The following PLCB4 variants were observed in gnomAD, a reference collection of about 807,000 sequenced individuals.
PLCB4 encodes the protein 1-phosphatidylinositol 4,5-bisphosphate phosphodiesterase beta-4.
Under a neutral mutation model 178.8 loss-of-function variants are expected in PLCB4, and 77 were observed. The ratio of observed to expected loss-of-function variants is 0.43; its 90% CI spans 0.36 to 0.52. The LOEUF (loss-of-function observed/expected upper bound fraction) is 0.52, where lower values mean the gene tolerates loss of function less well. PLCB4 is among the 20% of genes least tolerant of loss of function. PLCB4 has a pLI of 0.00. For missense variants in PLCB4, 1,024 were observed against 1,453.4 expected (o/e 0.70, Z 4.80); for synonymous variants, 496 against 490.8 (o/e 1.01, Z -0.14).
rs369944107 is a variant in PLCB4, at chr20:9,127,627, C to T, written c.-79+31285C>T. Among the ~76,000 whole-genome samples the T allele has an allele frequency of 4.1e-4, 58 of 142,480 alleles. 1 individual carries two copies. The highest frequency in any genetic ancestry group is 3.6e-3 in the Middle Eastern group (1 of 280). The allele number at this position is 142,480 out of a possible 152,430, so 93.5% of individuals were successfully genotyped here. A position where few individuals can be genotyped will look rare whatever the true frequency, so the allele number is the denominator to read the frequency against. The stretch of plus-strand genomic sequence containing the variant: ...CTCAACATTTAACTTTTAAAAAAAA[C>T]GGTGGTAAAATTATCTATCTATCTA... On this transcript the variant is annotated intron_variant, in intron 2 of 39. Transcript: ENST00000378473.
At chr20:9,086,340 A>G (rs918413261) in intron 1 of PLCB4, among the ~76,000 whole-genome samples, 1 of 152,068 alleles carries the variant, frequency 6.6e-6, no homozygotes, top group Admixed American at 6.6e-5. Flanking sequence ...GAAGGTCAGG[A>G]ACTCCTCTAG....
chr20:9,434,709 A>C (rs2041655437), intron 28 of PLCB4, among the ~76,000 whole-genome samples: 1 of 142,186 alleles, frequency 7.0e-6, no homozygotes, highest in South Asian at 2.1e-4. Flanking sequence ...TGTTATAAAA[A>C]GGAAAAGAAA....
At chr20:9,136,299 G>T (rs992954521) in intron 2 of PLCB4, among the ~76,000 whole-genome samples, 4 of 152,108 alleles carry the variant, frequency 2.6e-5, no homozygotes, top group African/African-American at 9.7e-5. Context: ...CACCCGTAGG[G>T]GAGTGGAGGA....
At chr20:9,123,470 A>G (rs1168641190) in intron 2 of PLCB4, among the ~76,000 whole-genome samples, 2 of 148,520 alleles carry the variant, frequency 1.3e-5, no homozygotes, top group Admixed American at 6.8e-5. Context: ...TCATGTTCTT[A>G]AAGTCAATAT....
At position 9,444,242 on chromosome 20, in the gene PLCB4, A is replaced by C. The variant is rs745945452; in HGVS notation, c.2879A>C (p.Lys960Thr). ...ELNSLKKKHAKEHSTMQKLHC... is the reference protein window; with the variant it reads ...ELNSLKKKHATEHSTMQKLHC... ...AATTCTTTAAAGAAGAAACATGCAA[A>C]GGTACAGTGCTCTACAGCTACTATT... Residue 960 changes from lysine (K) to threonine (T), a missense_variant and splice_region_variant, in exon 32 of 40, where the codon AAG (lysine) becomes ACG (threonine). Physicochemically the swap from Lys to Thr is moderately conservative, Grantham distance 78 (BLOSUM62 -1). This residue lies in a region of PLCB4 where 227 missense variants were observed against 374.3 expected (regional missense o/e 0.61). Transcript: ENST00000378473. The C allele has an allele frequency of 6.3e-7, 1 of 1,575,740 alleles. No homozygotes were observed. Among genetic ancestry groups the C allele is most frequent in the South Asian group, 1.1e-5 (1 of 90,050 alleles).
At chr20:9,408,774 C>T (rs1414066332) in intron 23 of PLCB4, 57 bp downstream of exon 23, 8 of 890,860 alleles carry the variant, frequency 9.0e-6, no homozygotes, top group Non-Finnish European at 1.3e-5. Context: ...TGGCAAGAGC[C>T]TCTGAAATAG....
chr20:9,463,593 CAAAAA>C (rs145361980), intron 35 of PLCB4, among the ~76,000 whole-genome samples: 11 of 49,694 alleles, frequency 2.2e-4, no homozygotes, highest in Admixed American at 1.3e-3. Flanking sequence ...AAATGGAAAG[CAAAAA>C]AAAAAAAAAA....
At chr20:9,275,594 G>A (rs1255021753) in intron 3 of PLCB4, among the ~76,000 whole-genome samples, 1 of 152,010 alleles carries the variant, frequency 6.6e-6, no homozygotes, top group Non-Finnish European at 1.5e-5. Flanking sequence ...TACCACACAT[G>A]TCATTCCTGC....
chr20:9,203,056 A>AATATATATATATAT (rs55690764), intron 2 of PLCB4, among the ~76,000 whole-genome samples: 8 of 126,148 alleles, frequency 6.3e-5, no homozygotes, highest in African/African-American at 1.7e-4. Context: ...AAAAAAAAAA[A>AATATATATATATAT]ATATATATAT....
intron 3 of PLCB4, among the ~76,000 whole-genome samples, chr20:9,267,399 G>T (rs6039429): frequency 5.3e-5 from 8 of 152,174 alleles, no homozygotes; most frequent in African/African-American, 1.9e-4. Context: ...TTAGAACACT[G>T]GCCTTACATG....
intron 2 of PLCB4, among the ~76,000 whole-genome samples, chr20:9,114,441 G>T (rs2091709107): frequency 6.6e-6 from 1 of 152,154 alleles, no homozygotes; most frequent in Non-Finnish European, 1.5e-5. Flanking sequence ...CTAGGTAGAG[G>T]ATTAGAGATG....
intron 4 of PLCB4, among the ~76,000 whole-genome samples, chr20:9,315,263 C>A (rs1047815556): frequency 3.3e-5 from 5 of 152,140 alleles, no homozygotes; most frequent in Admixed American, 2.6e-4. Flanking sequence ...TATATAGCAA[C>A]TTAATGATGA....
At chr20:9,423,220 T>C (rs544188189) in intron 27 of PLCB4, among the ~76,000 whole-genome samples, 1 of 152,348 alleles carries the variant, frequency 6.6e-6, no homozygotes, top group African/African-American at 2.4e-5. Context: ...AGGACCCAAA[T>C]TTATGTACAA....
intron 1 of PLCB4, among the ~76,000 whole-genome samples, chr20:9,086,344 C>T (rs2090419493): frequency 6.6e-6 from 1 of 152,030 alleles, no homozygotes; most frequent in African/African-American, 2.4e-5. Context: ...GTCAGGAACT[C>T]CTCTAGGGAC....
Position 9,090,609 on chromosome 20 carries a change from T to A in PLCB4, c.-134-5678T>A, listed in dbSNP as rs544781441. Among the ~76,000 whole-genome samples, 6 of 152,086 alleles carry A rather than the reference T, an allele frequency of 3.9e-5. No individual in the cohort carries two copies. The East Asian group carries it at 1.2e-3, about 29-fold the overall frequency. On this transcript the variant is annotated intron_variant, in intron 1 of 39. Transcript: ENST00000378473. Reference sequence around the variant, plus strand: ...GTTACTAAAAAATTGCTGGAAAAGTTAACCTGAAATGGCAGAGTAAAGAAG... The same window carrying A: ...GTTACTAAAAAATTGCTGGAAAAGTAAACCTGAAATGGCAGAGTAAAGAAG...
chr20:9,291,426 G>A (rs2094578947), intron 3 of PLCB4, among the ~76,000 whole-genome samples: 2 of 152,052 alleles, frequency 1.3e-5, no homozygotes, highest in African/African-American at 4.8e-5. Context: ...TGAGGAGGAG[G>A]GGCCTGAAAA....
At chr20:9,387,259 C>G (rs1357297742) in intron 14 of PLCB4, among the ~76,000 whole-genome samples, 1 of 152,158 alleles carries the variant, frequency 6.6e-6, no homozygotes, top group Non-Finnish European at 1.5e-5. Flanking sequence ...TAATCTCACT[C>G]AGACAATCCC....
chr20:9,117,577 A>C (rs145029001), intron 2 of PLCB4, among the ~76,000 whole-genome samples: 1 of 152,228 alleles, frequency 6.6e-6, no homozygotes, highest in Non-Finnish European at 1.5e-5. Flanking sequence ...CTGCTGAAAA[A>C]TCCTCCAATG....
chr20:9,149,695 G>A (rs1187405486), intron 2 of PLCB4, among the ~76,000 whole-genome samples: 1 of 151,510 alleles, frequency 6.6e-6, no homozygotes, highest in Admixed American at 6.5e-5. Context: ...GTGACTCTGG[G>A]CAAGTTTCTT....
Sources: gnomAD v4.1 joint callset for allele counts (sites outside exome capture counted in the v4.1 genomes callset) on GRCh38, gnomAD v4.1.1 for gene constraint, gnomAD v4.1.1 regional missense constraint, MANE v1.5 for transcripts, NCBI Gene and HGNC (gene_info 2026-07-23, HGNC 2026-07-21) for gene names.